ZNF407: variants seen among roughly 807,000 people sequenced by gnomAD.
ZNF407 encodes the protein zinc finger protein 407.
ZNF407 carries 17 observed loss-of-function variants against 131.2 expected under a neutral mutation model. The ratio of observed to expected loss-of-function variants is 0.13; its 90% CI spans 0.09 to 0.19. The LOEUF is 0.19. ZNF407 is among the 10% of genes least tolerant of loss of function. The pLI, the probability that ZNF407 is intolerant of heterozygous loss-of-function variation, is 1.00. For synonymous variants in ZNF407, 1,156 were observed against 1,062.0 expected (o/e 1.09, Z -1.72); for missense variants, 2,681 against 2,830.6 (o/e 0.95, Z 1.20).
At chr18:74,978,715 G>C (rs1003522740) in intron 8 of ZNF407, among the ~76,000 whole-genome samples, 1 of 151,848 alleles carries the variant, frequency 6.6e-6, no homozygotes, top group African/African-American at 2.4e-5. Flanking sequence ...GGAACATCCA[G>C]GCATCTAATA....
At chr18:74,819,865 A>T (rs1283229568) in intron 4 of ZNF407, among the ~76,000 whole-genome samples, 2 of 152,186 alleles carry the variant, frequency 1.3e-5, no homozygotes, top group East Asian at 3.9e-4. Flanking sequence ...CTGACAGTGG[A>T]TGGCCCTCCC....
intron 8 of ZNF407, among the ~76,000 whole-genome samples, chr18:75,021,498 G>T (rs1973110213): frequency 1.3e-5 from 2 of 151,988 alleles, no homozygotes; most frequent in South Asian, 2.1e-4. Flanking sequence ...TCAAACTCCT[G>T]ACATCAAGGT....
intron 3 of ZNF407, among the ~76,000 whole-genome samples, chr18:74,689,742 G>A (rs1160012091): frequency 1.3e-5 from 2 of 152,174 alleles, no homozygotes; most frequent in Non-Finnish European, 2.9e-5. Flanking sequence ...AAAGGAAAAT[G>A]TCTTACAAAG....
rs1230897071 is a variant in ZNF407 at position 74,615,432 on chromosome 18, G to C, written c.-53-15535G>C. Reference sequence around the variant, plus strand: ...AGACAGGAGAATTGCTTGAACCCGGGGGGCAGAGGTTGCAGTGAGCCAAGA... The same window carrying C: ...AGACAGGAGAATTGCTTGAACCCGGCGGGCAGAGGTTGCAGTGAGCCAAGA... On this transcript the variant is annotated intron_variant, in intron 1 of 8. Transcript: ENST00000299687. 8.5e-5 allele frequency among the ~76,000 whole-genome samples: 13 copies of C among 152,308 alleles called. No homozygotes were observed. In the Middle Eastern group the frequency reaches 0.017, roughly 201 times the overall value.
At chr18:74,726,182 A>G (rs1042136724) in intron 3 of ZNF407, among the ~76,000 whole-genome samples, 9 of 152,008 alleles carry the variant, frequency 5.9e-5, no homozygotes, top group African/African-American at 2.2e-4. Context: ...CTCAGCTCCC[A>G]CTGAAGATTC....
intron 4 of ZNF407, among the ~76,000 whole-genome samples, chr18:74,852,183 ACACACACACACACACG>A (rs925787564): frequency 6.0e-5 from 7 of 116,236 alleles, no homozygotes; most frequent in South Asian, 3.1e-4. Context: ...ACACACACAC[ACACACACACACACACG>A]CACGCACGCA....
At chr18:74,707,887 T>C (rs903145769) in intron 3 of ZNF407, among the ~76,000 whole-genome samples, 2 of 152,176 alleles carry the variant, frequency 1.3e-5, no homozygotes, top group Admixed American at 1.3e-4. Flanking sequence ...ACAATTTTAG[T>C]GATGTAAATT....
At chr18:74,812,680 C>G (rs927069787) in intron 4 of ZNF407, among the ~76,000 whole-genome samples, 2 of 152,154 alleles carry the variant, frequency 1.3e-5, no homozygotes, top group South Asian at 2.1e-4. Context: ...TTGCCTCTCT[C>G]TGTACTACCT....
intron 8 of ZNF407, among the ~76,000 whole-genome samples, chr18:75,058,002 G>A (rs1973580770): frequency 6.6e-6 from 1 of 152,186 alleles, no homozygotes; most frequent in African/African-American, 2.4e-5. Flanking sequence ...GGGAACAAAT[G>A]ATGACAGTAA....
intron 4 of ZNF407, among the ~76,000 whole-genome samples, chr18:74,858,327 C>T (rs1970888904): frequency 6.6e-6 from 1 of 152,012 alleles, no homozygotes; most frequent in South Asian, 2.1e-4. Flanking sequence ...TTTGTATTAA[C>T]CTCCTCTTAC....
At chr18:74,713,358 CTTT>C (rs5826345) in intron 3 of ZNF407, among the ~76,000 whole-genome samples, 8,961 of 84,570 alleles carry the variant, frequency 0.11, 372 homozygotes, top group African/African-American at 0.18. Context: ...ATTTTAGCAT[CTTT>C]TTTTTTTTTT....
chr18:74,867,829 A>G (rs1443146503), intron 4 of ZNF407, among the ~76,000 whole-genome samples: 2 of 152,334 alleles, frequency 1.3e-5, no homozygotes, highest in South Asian at 2.1e-4. Flanking sequence ...TCTGCATATC[A>G]GTTTCCTGAT....
intron 4 of ZNF407, among the ~76,000 whole-genome samples, chr18:74,813,654 C>G (rs1271805420): frequency 6.6e-6 from 1 of 152,180 alleles, no homozygotes; most frequent in African/African-American, 2.4e-5. Context: ...CCTGGAATCA[C>G]CAAGTAACAT....
intron 1 of ZNF407, among the ~76,000 whole-genome samples, chr18:74,624,361 T>C (rs1983696343): frequency 6.6e-6 from 1 of 152,178 alleles, no homozygotes; most frequent in Non-Finnish European, 1.5e-5. Context: ...CTAGTAACCT[T>C]TCCCAGTGAA....
chr18:74,758,895 A>G (rs1295790448), intron 3 of ZNF407, among the ~76,000 whole-genome samples: 2 of 152,202 alleles, frequency 1.3e-5, no homozygotes, highest in African/African-American at 4.8e-5. Context: ...ATATATTTAT[A>G]GTTTTAAAAA....
chr18:74,941,417 A>T (rs750304882), intron 8 of ZNF407, among the ~76,000 whole-genome samples: 1 of 152,132 alleles, frequency 6.6e-6, no homozygotes, highest in Non-Finnish European at 1.5e-5. Flanking sequence ...CTCCACAGGA[A>T]CCTGCTTTCA....
At chr18:74,722,799 T>A (rs1038115696) in intron 3 of ZNF407, among the ~76,000 whole-genome samples, 1 of 152,222 alleles carries the variant, frequency 6.6e-6, no homozygotes. Flanking sequence ...TTATGCAGTT[T>A]TATACTTATT....
At chr18:74,972,611 T>C (rs1972485183) in intron 8 of ZNF407, among the ~76,000 whole-genome samples, 1 of 152,248 alleles carries the variant, frequency 6.6e-6, no homozygotes, top group African/African-American at 2.4e-5. Context: ...GCTTCATGTA[T>C]TTTAAAGCTC....
At chr18:75,024,734 T>C (rs1973151787) in intron 8 of ZNF407, among the ~76,000 whole-genome samples, 1 of 152,196 alleles carries the variant, frequency 6.6e-6, no homozygotes, top group Non-Finnish European at 1.5e-5. Context: ...TGAAATAATG[T>C]CAGCGGTAAA....
Sources: gnomAD v4.1 joint callset for allele counts (sites outside exome capture counted in the v4.1 genomes callset) on GRCh38, gnomAD v4.1.1 for gene constraint, MANE v1.5 for transcripts, NCBI Gene and HGNC (gene_info 2026-07-23, HGNC 2026-07-21) for gene names.